The following MDM2 variants were observed in gnomAD, a reference collection of about 807,000 sequenced individuals.
The protein encoded by MDM2 is MDM2 proto-oncogene.
MDM2 carries 11 observed loss-of-function variants against 64.3 expected under a neutral mutation model. The ratio of observed to expected loss-of-function variants is 0.17; its 90% CI spans 0.11 to 0.28. The LOEUF (loss-of-function observed/expected upper bound fraction) is 0.28, where lower values mean the gene tolerates loss of function less well. Among genes scored for constraint, MDM2 ranks in the 10% least tolerant of loss-of-function variants. The probability of loss-of-function intolerance (pLI) is 1.00; values close to 1 mark genes in which losing one functional copy is unlikely to be tolerated. For synonymous variants in MDM2, 194 were observed against 192.9 expected (o/e 1.01, Z -0.05); for missense variants, 388 against 577.1 (o/e 0.67, Z 3.36).
In MDM2 at chr12:68,824,553, A is replaced by G; in HGVS notation, c.427-2A>G. 6.2e-7 allele frequency: 1 copy of G among 1,612,624 alleles called. No individual in the cohort carries two copies. The highest frequency in any genetic ancestry group is 8.5e-7 in the Non-Finnish European group (1 of 1,179,368). Reference sequence around the variant, plus strand: ...TATTTTATTTTTTTCCTAAATGCTTAGGACCTTGTACAAGAGCTTCAGGAA... The same window carrying G: ...TATTTTATTTTTTTCCTAAATGCTTGGGACCTTGTACAAGAGCTTCAGGAA... On this transcript the variant is annotated splice_acceptor_variant, in intron 6 of 10. Coordinates refer to ENST00000258149, the MANE Select transcript of MDM2 (RefSeq NM_002392.6). LOFTEE classifies it high-confidence loss of function.
chr12:68,833,139 AAAAAAAAAAAAT>A (rs1291821795), intron 8 of MDM2, among the ~76,000 whole-genome samples: 6 of 116,892 alleles, frequency 5.1e-5, no homozygotes, highest in African/African-American at 1.4e-4. Flanking sequence ...AAAAAAAAAA[AAAAAAAAAAAAT>A]ATATATATAT....
rs139528097 is a variant in MDM2 at position 68,845,074 on chromosome 12, G to C, written c.*5225G>C. 1.4e-5 allele frequency: 3 copies of C among 216,344 alleles called. No individual in the cohort carries two copies. The highest frequency in any genetic ancestry group is 6.8e-5 in the African/African-American group (3 of 44,244). 13.4% of individuals were successfully genotyped at this position (216,344 alleles called of 1,614,324 possible). ...TGAGCCGCCACGCCCAGCCTAATAA[G>C]GGTTTTAAAGATAATTAGTGTGTAG... On this transcript the variant is annotated 3_prime_UTR_variant, in exon 11 of 11. Transcript: ENST00000258149.
intron 8 of MDM2, 127 bp from the exon 9 acceptor site, chr12:68,835,702 G>A: frequency 1.2e-6 from 1 of 844,068 alleles, no homozygotes; most frequent in Non-Finnish European, 1.7e-6. Context: ...CCGGATCAGA[G>A]CAGCAGGCCC....
Position 68,826,942 on chromosome 12 carries a change from C to T in MDM2, c.524-1829C>T, listed in dbSNP as rs3730592. 6.6e-4 allele frequency among the ~76,000 whole-genome samples: 101 copies of T among 151,908 alleles called. 2 individuals are homozygous for T. The highest frequency in any genetic ancestry group is 1.9e-4 in the East Asian group (1 of 5,164). On this transcript the variant is annotated intron_variant, in intron 7 of 10. Transcript: ENST00000258149. ...CTGTAATCCCAGCACCTTGGGAGGC[C>T]GAGGAGGGAGGATCACGAGGTCAGG...
At chr12:68,815,259 A>G (rs1881251674) in intron 3 of MDM2, among the ~76,000 whole-genome samples, 1 of 152,180 alleles carries the variant, frequency 6.6e-6, no homozygotes, top group South Asian at 2.1e-4. Context: ...AGGCCATCAT[A>G]AAGACTTAGA....
intron 3 of MDM2, chr12:68,814,825 G>C (rs1283178688): frequency 6.3e-6 from 1 of 159,080 alleles, no homozygotes; most frequent in African/African-American, 2.4e-5. Context: ...CAGTGTGATT[G>C]AAATATGCCT....
rs889595895 is a variant in MDM2 at position 68,836,154 on chromosome 12, A to G, written c.840+170A>G. 2.6e-5 allele frequency among the ~76,000 whole-genome samples: 4 copies of G among 152,136 alleles called. No homozygotes were observed. The South Asian group carries it at 6.2e-4, about 24-fold the overall frequency. ...GGACTTGAGGATTTCATAGTTCTTT[A>G]TCATCTGATTTATATTATTATATTA... is the stretch of plus-strand genomic sequence containing the variant. On this transcript the variant is annotated intron_variant, in intron 9 of 10. Coordinates refer to ENST00000258149, the MANE Select transcript of MDM2 (RefSeq NM_002392.6).
intron 3 of MDM2, 151 bp from the exon 4 acceptor site, chr12:68,816,661 G>C: frequency 1.5e-6 from 1 of 672,628 alleles, no homozygotes; most frequent in East Asian, 3.3e-5. Flanking sequence ...CCAGCCAAAA[G>C]TAGCTTCTAA....
chr12:68,809,310 G>A lies in MDM2; in HGVS notation c.99+18G>A, dbSNP rs2136105854. The A allele has an allele frequency of 6.2e-7, 1 of 1,604,658 alleles. No homozygotes were observed. Among genetic ancestry groups the A allele is most frequent in the Non-Finnish European group, 8.5e-7 (1 of 1,172,096 alleles). ...AGACCCTGGTTAGTATTTTTGTCTC[G>A]TGTAACTTTTAAGAATAATTTATTT... On this transcript the variant is annotated intron_variant, in intron 2 of 10. Coordinates refer to ENST00000258149, the MANE Select transcript of MDM2 (RefSeq NM_002392.6).
intron 4 of MDM2, 117 bp from the exon 5 acceptor site, chr12:68,820,208 A>G: frequency 1.5e-6 from 1 of 672,012 alleles, no homozygotes; most frequent in Non-Finnish European, 2.5e-6. Context: ...TTGGTTTTGA[A>G]TGTGTGCAGT....
intron 1 of MDM2, chr12:68,808,946 A>C: frequency 1.4e-6 from 2 of 1,379,614 alleles, no homozygotes; most frequent in Non-Finnish European, 1.9e-6. Context: ...CACGTTCCGA[A>C]ACTGCAGTAA....
chr12:68,831,204 G>A (rs987855348), intron 8 of MDM2, among the ~76,000 whole-genome samples: 1 of 152,140 alleles, frequency 6.6e-6, no homozygotes, highest in Non-Finnish European at 1.5e-5. Context: ...GGAGCAGAGC[G>A]TTTAATAGGC....
At chr12:68,839,087 G>A (rs1013308443) in intron 10 of MDM2, among the ~76,000 whole-genome samples, 187 bp from the exon 11 acceptor site, 1 of 133,226 alleles carries the variant, frequency 7.5e-6, no homozygotes, top group African/African-American at 2.6e-5. Context: ...TAAATTTCCA[G>A]TATACCAATA....
rs1286261984 is a variant in MDM2, at chr12:68,843,052, A to C, written c.*3203A>C. The C allele has an allele frequency of 4.6e-6, 1 of 218,824 alleles. No individual in the cohort carries two copies. Among genetic ancestry groups the C allele is most frequent in the African/African-American group, 2.2e-5 (1 of 44,502 alleles). The allele number at this position is 218,824 out of a possible 1,614,324, so 13.6% of individuals were successfully genotyped here. On this transcript the variant is annotated 3_prime_UTR_variant, in exon 11 of 11. Coordinates refer to ENST00000258149, the MANE Select transcript of MDM2 (RefSeq NM_002392.6). ...TTTTCGAGCCTAGCAATGATCTAGA[A>C]GCAGATGTTATCTCAGTGCCTTTTG...
chr12:68,833,107 CAG>C (rs1882932257), intron 8 of MDM2, among the ~76,000 whole-genome samples: 1 of 101,640 alleles, frequency 9.8e-6, no homozygotes, highest in Non-Finnish European at 1.8e-5. Flanking sequence ...GCCTGGGTGA[CAG>C]AGCGAGACTC....
chr12:68,822,772 ACT>A (rs762030852), intron 5 of MDM2, among the ~76,000 whole-genome samples: 12 of 148,822 alleles, frequency 8.1e-5, no homozygotes, highest in Non-Finnish European at 1.6e-4. Context: ...ATGGAGTCTC[ACT>A]CTGTCACCCA....
rs1565729951 is a variant in MDM2, at chr12:68,808,376, G to A, written c.-102G>A. 3 of 1,514,246 alleles carry A rather than the reference G, an allele frequency of 2.0e-6. No homozygotes were observed. Among genetic ancestry groups the A allele is most frequent in the Non-Finnish European group, 2.7e-6 (3 of 1,093,364 alleles). 93.8% of individuals were successfully genotyped at this position (1,514,246 alleles called of 1,614,324 possible). On this transcript the variant is annotated 5_prime_UTR_variant, in exon 1 of 11. In the 5' UTR this introduces an upstream ATG that the reference lacks. Coordinates refer to ENST00000258149, the MANE Select transcript of MDM2 (RefSeq NM_002392.6). ...AGCGCCCAGTGCCCTGGCCCGGAGA[G>A]TGGAATGATCCCCGAGGCCCAGGGC... is the stretch of plus-strand genomic sequence containing the variant.
At chr12:68,825,281 AT>A (rs1372014563) in intron 7 of MDM2, among the ~76,000 whole-genome samples, 2 of 152,222 alleles carry the variant, frequency 1.3e-5, no homozygotes, top group African/African-American at 4.8e-5. Context: ...TAACAGTTAA[AT>A]TTTTAAATTG....
chr12:68,828,840 C>G lies in MDM2; in HGVS notation c.593C>G (p.Ser198Cys), dbSNP rs1369872407. 6.2e-7 allele frequency: 1 copy of G among 1,613,902 alleles called. No homozygotes were observed. Among genetic ancestry groups the G allele is most frequent in the East Asian group, 2.2e-5 (1 of 44,872 alleles). Residue 198 changes from serine (S) to cysteine (C), a missense_variant, in exon 8 of 11, where the codon TCC becomes TGC. By Grantham distance (112) the Ser-to-Cys change is moderately radical (BLOSUM62 -1). Transcript: ENST00000258149. Reference protein sequence around the residue: ...KRHKSDSISLSFDESLALCVI... With the variant: ...KRHKSDSISLCFDESLALCVI... Reference sequence around the variant, plus strand: ...CACAAATCTGATAGTATTTCCCTTTCCTTTGATGAAAGCCTGGCTCTGTGT... The same window carrying G: ...CACAAATCTGATAGTATTTCCCTTTGCTTTGATGAAAGCCTGGCTCTGTGT...
Sources: allele counts gnomAD v4.1 joint callset (sites outside exome capture counted in the v4.1 genomes callset), GRCh38; gene constraint gnomAD v4.1.1; transcripts MANE v1.5; gene names NCBI Gene and HGNC (gene_info 2026-07-23, HGNC 2026-07-21).